Variants in MAPK8IP3 observed in about 807,000 individuals in gnomAD.
MAPK8IP3 encodes C-Jun-amino-terminal kinase-interacting protein 3.
In MAPK8IP3, 49 loss-of-function variants were observed where a neutral mutation model predicts 157.8. The observed-to-expected ratio is 0.31, with a 90% CI of 0.25 to 0.39. The LOEUF (loss-of-function observed/expected upper bound fraction) is 0.39. Ranked by LOEUF, MAPK8IP3 falls within the 10% of genes least tolerant of loss-of-function variation. MAPK8IP3 has a pLI of 1.00. For missense variants in MAPK8IP3, 1,478 were observed against 1,889.4 expected, an observed-to-expected ratio of 0.78 and a Z score of 4.04; for synonymous variants, 897 against 777.7, an observed-to-expected ratio of 1.15 and a Z score of -2.55.
In MAPK8IP3 at chr16:1,737,810, G is replaced by A. The variant is rs547963464; in HGVS notation, c.603-5522G>A. Among the ~76,000 whole-genome samples the A allele has an allele frequency of 1.4e-4, 14 of 101,954 alleles. 1 individual carries two copies. Among genetic ancestry groups the A allele is most frequent in the Non-Finnish European group, 1.5e-4 (8 of 52,048 alleles). The allele number at this position is 101,954 out of a possible 152,430, so 66.9% of individuals were successfully genotyped here. On this transcript the variant is annotated intron_variant, in intron 4 of 31. Transcript: ENST00000610761. ...CATGTGAGCATCCATGTGACCGTCC[G>A]TGTGAGCGTCCGTGTGAGCGTGACT...
intron 4 of MAPK8IP3, among the ~76,000 whole-genome samples, chr16:1,737,401 TGTGTGACCGTCC>T (rs2040051061): frequency 2.3e-5 from 2 of 86,658 alleles, no homozygotes; most frequent in South Asian, 6.9e-4. Context: ...TGTGAGCATC[TGTGTGACCGTCC>T]GTGTGAGCGT....
intron 8 of MAPK8IP3, among the ~76,000 whole-genome samples, chr16:1,754,704 G>T (rs545249098): frequency 6.6e-6 from 1 of 152,072 alleles, no homozygotes; most frequent in African/African-American, 2.4e-5. Context: ...CTGGGAGGCG[G>T]GGGTTGCAGT....
chr16:1,739,243 ACCAT>A (rs1024858913), intron 4 of MAPK8IP3, among the ~76,000 whole-genome samples: 1 of 97,442 alleles, frequency 1.0e-5, no homozygotes, highest in Non-Finnish European at 1.9e-5. Context: ...TGAGAGTGTG[ACCAT>A]CCATGTGAGC....
At chr16:1,737,093 T>C (rs1596640992) in intron 4 of MAPK8IP3, among the ~76,000 whole-genome samples, 2 of 75,398 alleles carry the variant, frequency 2.7e-5, no homozygotes, top group African/African-American at 5.2e-5. Flanking sequence ...TCCGTGTGAG[T>C]GTGACCATCC....
intron 17 of MAPK8IP3, 21 bp downstream of exon 17, chr16:1,763,804 G>C (rs1038694297): frequency 7.0e-7 from 1 of 1,435,062 alleles, no homozygotes; most frequent in Non-Finnish European, 9.2e-7. Flanking sequence ...GCGCTGCGGG[G>C]ACCGGGCGGG....
intron 1 of MAPK8IP3, among the ~76,000 whole-genome samples, chr16:1,718,461 G>A (rs2038300949): frequency 6.6e-6 from 1 of 151,744 alleles, no homozygotes; most frequent in East Asian, 2.0e-4. Context: ...TGGGATTACA[G>A]GCATGAGTCA....
intron 8 of MAPK8IP3, among the ~76,000 whole-genome samples, chr16:1,752,904 G>A (rs1012290077): frequency 3.3e-5 from 5 of 152,148 alleles, no homozygotes; most frequent in East Asian, 1.9e-4. Flanking sequence ...TGGGACCTGC[G>A]CCCCTCTGCC....
chr16:1,736,589 ACCAT>A (rs556108665), intron 4 of MAPK8IP3, among the ~76,000 whole-genome samples: 169 of 47,020 alleles, frequency 3.6e-3, no homozygotes, highest in African/African-American at 0.015. Flanking sequence ...TGAGCGTGTG[ACCAT>A]CCATGTGAGC....
Position 1,769,041 on chromosome 16 carries a change from G to A in MAPK8IP3, c.*217G>A. 1 of 599,808 alleles carries A rather than the reference G, an allele frequency of 1.7e-6. No homozygotes were observed. Among genetic ancestry groups the A allele is most frequent in the Non-Finnish European group, 2.9e-6 (1 of 341,384 alleles). 37.2% of individuals were successfully genotyped at this position (599,808 alleles called of 1,614,324 possible). ...GGGAACTTCCACCCGAGGGGAAGATGCTCTCGGGACAGTTTCCCGGGCAGC... is the reference window on the plus strand; with the variant it reads ...GGGAACTTCCACCCGAGGGGAAGATACTCTCGGGACAGTTTCCCGGGCAGC... On this transcript the variant is annotated 3_prime_UTR_variant, in exon 32 of 32. Coordinates refer to ENST00000610761, the MANE Select transcript of MAPK8IP3 (RefSeq NM_001318852.2).
At chr16:1,721,016 A>G (rs190896539) in intron 1 of MAPK8IP3, among the ~76,000 whole-genome samples, 3 of 150,758 alleles carry the variant, frequency 2.0e-5, no homozygotes, top group Middle Eastern at 3.5e-3. Flanking sequence ...CTAGGCAACA[A>G]GAGCAAAACT....
Position 1,722,439 on chromosome 16 carries a change from G to A in MAPK8IP3, c.319-2118G>A, listed in dbSNP as rs117517400. ...AGAAGCGTCGAGGAGCCTAGTATCC[G>A]GGTGGGAGAGTGGGTAGAGTTATTA... On this transcript the variant is annotated intron_variant, in intron 1 of 31. Transcript: ENST00000610761. 4.2e-3 allele frequency among the ~76,000 whole-genome samples: 647 copies of A among 152,318 alleles called. 21 individuals are homozygous for A. In the East Asian group the frequency reaches 0.051, roughly 12 times the overall value.
chr16:1,714,676 AGATATACGCACAGTCCCAGT>A (rs2038027585), intron 1 of MAPK8IP3, among the ~76,000 whole-genome samples: 1 of 152,052 alleles, frequency 6.6e-6, no homozygotes, highest in African/African-American at 2.4e-5. Context: ...ATGAATTCCC[AGATATACGCACAGTCCCAGT>A]GGGCCCTTGC....
intron 16 of MAPK8IP3, 89 bp from the exon 17 acceptor site, chr16:1,763,568 C>A: frequency 7.3e-7 from 1 of 1,378,546 alleles, no homozygotes; most frequent in Non-Finnish European, 9.5e-7. Context: ...GGCGGGCCTC[C>A]CTGCCGTGAC....
intron 4 of MAPK8IP3, among the ~76,000 whole-genome samples, chr16:1,736,653 TGTGAGC>T (rs1443410271): frequency 7.5e-4 from 46 of 61,332 alleles, no homozygotes; most frequent in East Asian, 1.5e-3. Flanking sequence ...TGACCGTCCG[TGTGAGC>T]GTGTGACCGT....
intron 8 of MAPK8IP3, among the ~76,000 whole-genome samples, chr16:1,753,589 T>C (rs2041424513): frequency 6.6e-6 from 1 of 152,018 alleles, no homozygotes; most frequent in African/African-American, 2.4e-5. Context: ...TACAGGTGCC[T>C]GCCACCATGC....
chr16:1,738,317 TGAGCATCCGTGAGC>T (rs2040229772), intron 4 of MAPK8IP3, among the ~76,000 whole-genome samples: 1 of 92,078 alleles, frequency 1.1e-5, no homozygotes, highest in African/African-American at 4.5e-5. Context: ...ACCGTCCGTG[TGAGCATCCGTGAGC>T]GTGTGACCGT....
intron 4 of MAPK8IP3, among the ~76,000 whole-genome samples, chr16:1,735,402 C>T (rs535766564): frequency 8.1e-5 from 12 of 148,608 alleles, no homozygotes; most frequent in African/African-American, 2.0e-4. Context: ...AACGTGTGAC[C>T]GTCCATGTGA....
intron 5 of MAPK8IP3, chr16:1,745,872 C>T (rs2040931038): frequency 6.6e-6 from 1 of 152,306 alleles, no homozygotes; most frequent in African/African-American, 2.4e-5. Flanking sequence ...AGGCCCCGTG[C>T]CCTGAGTCTG....
intron 1 of MAPK8IP3, among the ~76,000 whole-genome samples, chr16:1,715,160 G>T (rs150478224): frequency 3.1e-4 from 47 of 152,224 alleles, no homozygotes; most frequent in African/African-American, 1.1e-3. Context: ...CGTGGACACT[G>T]AACCCAGCCA....
Sources: allele counts gnomAD v4.1 joint callset (sites outside exome capture counted in the v4.1 genomes callset), GRCh38; gene constraint gnomAD v4.1.1; transcripts MANE v1.5; gene names NCBI Gene and HGNC (gene_info 2026-07-23, HGNC 2026-07-21).